The following CELF4 variants were observed in gnomAD, a reference collection of about 807,000 sequenced individuals.
CELF4 encodes CUG-BP- and ETR-3-like factor 4.
Under a neutral mutation model 59.9 loss-of-function variants are expected in CELF4, and 18 were observed. The observed-to-expected ratio is 0.30, with a 90% CI of 0.21 to 0.45. The LOEUF is 0.45. CELF4 is among the 20% of genes least tolerant of loss of function. The pLI is 1.00. For missense variants in CELF4, 456 were observed against 689.0 expected, an observed-to-expected ratio of 0.66 and a Z score of 3.79; for synonymous variants, 261 against 267.1, an observed-to-expected ratio of 0.98 and a Z score of 0.22.
chr18:37,406,903 T>C (rs1448221521), intron 2 of CELF4, among the ~76,000 whole-genome samples: 1 of 152,058 alleles, frequency 6.6e-6, no homozygotes, highest in Non-Finnish European at 1.5e-5. Context: ...GGTGGGCCTG[T>C]CTAGGAGCGG....
chr18:37,327,563 G>C (rs2097363576), intron 2 of CELF4, among the ~76,000 whole-genome samples: 2 of 152,204 alleles, frequency 1.3e-5, no homozygotes, highest in Admixed American at 6.5e-5. Context: ...AGCAACCACT[G>C]TCCTAAGGGT....
chr18:37,545,508 C>G (rs776477981), intron 1 of CELF4, among the ~76,000 whole-genome samples: 2 of 152,172 alleles, frequency 1.3e-5, no homozygotes, highest in Admixed American at 6.5e-5. Context: ...CTCAGGAGAT[C>G]GGTGTTTCTG....
At chr18:37,286,446 C>T (rs1039779171) in intron 3 of CELF4, among the ~76,000 whole-genome samples, 19 of 152,198 alleles carry the variant, frequency 1.2e-4, no homozygotes, top group Non-Finnish European at 2.9e-5. Context: ...ACCCAAATTT[C>T]CACAGTCGCA....
At chr18:37,496,991 G>A (rs1012281106) in intron 1 of CELF4, among the ~76,000 whole-genome samples, 2 of 152,112 alleles carry the variant, frequency 1.3e-5, no homozygotes, top group Non-Finnish European at 2.9e-5. Flanking sequence ...AGCTGGCCCC[G>A]GTCCTGGGAA....
At chr18:37,490,900 A>G (rs1240547917) in intron 1 of CELF4, among the ~76,000 whole-genome samples, 3 of 152,194 alleles carry the variant, frequency 2.0e-5, no homozygotes, top group African/African-American at 7.2e-5. Context: ...ACCAGCTCAT[A>G]ATGGAGTCTA....
chr18:37,530,775 G>A (rs191616490), intron 1 of CELF4, among the ~76,000 whole-genome samples: 11 of 152,040 alleles, frequency 7.2e-5, no homozygotes, highest in Admixed American at 2.6e-4. Flanking sequence ...AAGCCCTTTC[G>A]GCCCTATCTC....
intron 2 of CELF4, among the ~76,000 whole-genome samples, chr18:37,470,883 T>TGAGAGAGAGAGAGAGAGAGAGA (rs1569569556): frequency 1.2e-5 from 1 of 83,530 alleles, no homozygotes; most frequent in Non-Finnish European, 2.4e-5. Context: ...TGTGTGTGTG[T>TGAGAGAGAGAGAGAGAGAGAGA]GTGTGACAGA....
chr18:37,493,408 C>A (rs1350417107), intron 1 of CELF4, among the ~76,000 whole-genome samples: 1 of 152,212 alleles, frequency 6.6e-6, no homozygotes, highest in African/African-American at 2.4e-5. Flanking sequence ...AATGTAAATA[C>A]TCTATTATAG....
rs763527043 is a variant in CELF4 at position 37,275,183 on chromosome 18, C to A, written c.509G>T (p.Arg170Leu). ...NKQQSEDDVR[R>L]LFEAFGNIEE... Reference sequence around the variant, plus strand: ...GATGTTCCCAAAGGCCTCGAAAAGGCGGCGCACGTCGTCCTCGGACTGTTG... The same window carrying A: ...GATGTTCCCAAAGGCCTCGAAAAGGAGGCGCACGTCGTCCTCGGACTGTTG... The change falls in exon 4 of 13, where the codon CGC (arginine) becomes CTC (leucine). Residue 170 changes from arginine to leucine, a missense_variant. Around this residue, in one of 7 missense-constraint regions of CELF4, gnomAD observed 56 missense variants for 92.0 expected, o/e 0.61. Coordinates refer to ENST00000420428, the MANE Select transcript of CELF4 (RefSeq NM_020180.4). The A allele has an allele frequency of 6.2e-7, 1 of 1,613,672 alleles. No individual in the cohort carries two copies. The highest frequency in any genetic ancestry group is 8.5e-7 in the Non-Finnish European group (1 of 1,179,876).
intron 3 of CELF4, among the ~76,000 whole-genome samples, chr18:37,290,148 A>G (rs1222242120): frequency 6.6e-6 from 1 of 152,082 alleles, no homozygotes; most frequent in Non-Finnish European, 1.5e-5. Flanking sequence ...GAGGCCAAAG[A>G]AGGTGGCTGG....
intron 1 of CELF4, among the ~76,000 whole-genome samples, chr18:37,537,247 G>A (rs2099974244): frequency 6.6e-6 from 1 of 152,166 alleles, no homozygotes; most frequent in Non-Finnish European, 1.5e-5. Context: ...AACATAGGCT[G>A]GTTCTCAGAG....
chr18:37,384,147 C>T (rs903059285), intron 2 of CELF4, among the ~76,000 whole-genome samples: 6 of 152,184 alleles, frequency 3.9e-5, no homozygotes, highest in Non-Finnish European at 8.8e-5. Flanking sequence ...GAGAGGAAGT[C>T]GTACAGGTTG....
intron 2 of CELF4, among the ~76,000 whole-genome samples, chr18:37,485,051 C>G (rs536318878): frequency 1.3e-5 from 2 of 152,174 alleles, no homozygotes; most frequent in African/African-American, 4.8e-5. Context: ...TCTCTTCTCC[C>G]CCGCACAGAA....
chr18:37,353,302 G>A (rs1178074706), intron 2 of CELF4, among the ~76,000 whole-genome samples: 1 of 150,830 alleles, frequency 6.6e-6, no homozygotes, highest in Non-Finnish European at 1.5e-5. Flanking sequence ...AGCTCAACTG[G>A]GCATATGGTT....
At chr18:37,266,338 C>A in intron 9 of CELF4, 195 bp downstream of exon 9, 1 of 642,958 alleles carries the variant, frequency 1.6e-6, no homozygotes, top group Non-Finnish European at 2.7e-6. Flanking sequence ...CCCAACCCCA[C>A]TGCAGGGGCA....
At chr18:37,384,136 C>T (rs537044493) in intron 2 of CELF4, among the ~76,000 whole-genome samples, 81 of 152,114 alleles carry the variant, frequency 5.3e-4, no homozygotes, top group African/African-American at 1.2e-3. Context: ...GATTGATTGA[C>T]GAGAGGAAGT....
chr18:37,492,094 G>A (rs761981643), intron 1 of CELF4, among the ~76,000 whole-genome samples: 18 of 152,194 alleles, frequency 1.2e-4, no homozygotes, highest in Non-Finnish European at 2.4e-4. Context: ...ATTAGCCAGA[G>A]GAAGGTGGCC....
intron 1 of CELF4, among the ~76,000 whole-genome samples, chr18:37,491,345 C>T (rs1406100584): frequency 2.0e-5 from 3 of 152,200 alleles, no homozygotes; most frequent in South Asian, 2.1e-4. Context: ...CTATCACATA[C>T]GCTGAACACT....
chr18:37,473,594 G>A (rs1163654800), intron 2 of CELF4: 3 of 152,242 alleles, frequency 2.0e-5, no homozygotes, highest in Non-Finnish European at 4.4e-5. Flanking sequence ...AGAGTTAGCA[G>A]TGCTGCATGA....
Sources: gnomAD v4.1 joint callset for allele counts (sites outside exome capture counted in the v4.1 genomes callset) on GRCh38, gnomAD v4.1.1 for gene constraint, gnomAD v4.1.1 regional missense constraint, MANE v1.5 for transcripts, NCBI Gene and HGNC (gene_info 2026-07-23, HGNC 2026-07-21) for gene names.